Variants in MROH2A observed in about 807,000 individuals in gnomAD.
The protein encoded by MROH2A is maestro heat like repeat family member 2A, also known as maestro heat-like repeat-containing protein family member 2A.
Under a neutral mutation model 200.4 loss-of-function variants are expected in MROH2A, and 174 were observed. That is an observed-to-expected ratio of 0.87 (90% CI 0.77 to 0.98). MROH2A has a LOEUF of 0.98. MROH2A is among the 50% of genes least tolerant of loss of function. The pLI, the probability that MROH2A is intolerant of heterozygous loss-of-function variation, is 0.00. For missense variants in MROH2A, 2,045 were observed against 2,139.6 expected (o/e 0.96, Z 0.87); for synonymous variants, 829 against 840.4 (o/e 0.99, Z 0.23).
chr2:233,792,820 G>A lies in MROH2A; in HGVS notation c.596G>A (p.Gly199Asp), dbSNP rs982074619. The change falls in exon 6 of 42, where the codon GGC becomes GAC. Residue 199 changes from glycine to aspartate, a missense_variant. Physicochemically the swap from Gly to Asp is moderately conservative, Grantham distance 94. This residue lies in a region of MROH2A where 831 missense variants were observed against 800.0 expected (regional missense o/e 1.04). Transcript: ENST00000389758. ...GNVFEFMPYM[G>D]ITLATIFTML... ...GTGTTTGAGTTCATGCCATACATGG[G>A]CATCACCCTGGCTACCATATTCACC... 33 of 1,549,576 alleles carry A rather than the reference G, an allele frequency of 2.1e-5. No homozygotes were observed. The highest frequency in any genetic ancestry group is 4.1e-5 in the African/African-American group (3 of 73,018).
intron 24 of MROH2A, among the ~76,000 whole-genome samples, chr2:233,813,293 G>GCT (rs1703293925): frequency 6.6e-6 from 1 of 152,204 alleles, no homozygotes; most frequent in East Asian, 1.9e-4. Flanking sequence ...TGCTGCTGCT[G>GCT]GTGATGGTGG....
chr2:233,822,741 AC>A, intron 33 of MROH2A, 139 bp from the exon 34 acceptor site: 1 of 1,211,078 alleles, frequency 8.3e-7, no homozygotes, highest in Non-Finnish European at 1.2e-6. Context: ...TTGCAGATCC[AC>A]TCCCTCCCTG....
In MROH2A at chr2:233,796,192, C is replaced by A; in HGVS notation, c.1139-8C>A. On this transcript the variant is annotated splice_polypyrimidine_tract_variant and splice_region_variant and intron_variant, in intron 10 of 41. Coordinates refer to ENST00000389758, the MANE Select transcript of MROH2A (RefSeq NM_001394639.1). ...GAGCATGACTAAAGCTGTCCTTCCA[C>A]CCTGCAGCTCGCTCCTACCCCAAGG... 6.5e-7 allele frequency: 1 copy of A among 1,546,462 alleles called. No homozygotes were observed. The highest frequency in any genetic ancestry group is 2.4e-5 in the East Asian group (1 of 40,882).
At position 233,822,246 on chromosome 2, in the gene MROH2A, C is replaced by G. The variant is rs893687163; in HGVS notation, c.3635C>G (p.Ala1212Gly). The change falls in exon 32 of 42, where the codon GCT becomes GGT. Residue 1212 changes from alanine (A) to glycine (G), a missense_variant. This residue lies in a region of MROH2A where 1,201 missense variants were observed against 1,311.3 expected (regional missense o/e 0.92). Coordinates refer to ENST00000389758, the MANE Select transcript of MROH2A (RefSeq NM_001394639.1). ...LSPRISATSK[A>G]DIWRLAAVDP... is the part of the protein sequence containing the mutation. ...CCCAGAATCAGTGCCACCTCCAAGG[C>G]TGACATCTGGCGCCTGGCTGCGGTG... The G allele has an allele frequency of 3.9e-6, 6 of 1,547,718 alleles. No individual in the cohort carries two copies. The African/African-American group carries it at 4.1e-5, about 11-fold the overall frequency.
chr2:233,804,081 G>T lies in MROH2A; in HGVS notation c.1780G>T (p.Gly594Cys). 6.4e-7 allele frequency: 1 copy of T among 1,550,528 alleles called. No homozygotes were observed. The highest frequency in any genetic ancestry group is 8.7e-7 in the Non-Finnish European group (1 of 1,146,980). Residue 594 changes from glycine to cysteine, a missense_variant, in exon 17 of 42, where the codon GGT becomes TGT. Gly to Cys is a radical substitution (Grantham distance 159, BLOSUM62 -3). Coordinates refer to ENST00000389758, the MANE Select transcript of MROH2A (RefSeq NM_001394639.1). ...VLMSSPYKGE[G>C]RGIAMLNLLR... ...GATGTCATCACCTTACAAGGGGGAG[G>T]GTCGTGGGATAGCCATGCTCAACCT...
intron 5 of MROH2A, among the ~76,000 whole-genome samples, chr2:233,791,569 T>C (rs1048329137): frequency 6.6e-6 from 1 of 151,986 alleles, no homozygotes; most frequent in African/African-American, 2.4e-5. Flanking sequence ...TGGCTTTGGT[T>C]CTTGGTGACC....
Position 233,812,008 on chromosome 2 carries a change from T to C in MROH2A, c.2651+49T>C, listed in dbSNP as rs183602737. ...CCCATCCCAAGGGGTAGGGAAAAGTTCAAGACCATTCCTCGGTGCTCCTTC... is the reference window on the plus strand; with the variant it reads ...CCCATCCCAAGGGGTAGGGAAAAGTCCAAGACCATTCCTCGGTGCTCCTTC... On this transcript the variant is annotated intron_variant, in intron 24 of 41. Transcript: ENST00000389758. 2,291 of 1,264,428 alleles carry C rather than the reference T, an allele frequency of 1.8e-3. 5 individuals carry two copies. The highest frequency in any genetic ancestry group is 2.1e-3 in the Non-Finnish European group (1,877 of 888,472). The allele number at this position is 1,264,428 out of a possible 1,614,324, so 78.3% of individuals were successfully genotyped here.
chr2:233,829,625 C>G lies in MROH2A; in HGVS notation c.4452C>G (p.Ser1484Arg), dbSNP rs550143797. The G allele has an allele frequency of 2.1e-6, 3 of 1,414,686 alleles. No individual in the cohort carries two copies. The highest frequency in any genetic ancestry group is 2.8e-6 in the Non-Finnish European group (3 of 1,080,740). 87.6% of individuals were successfully genotyped at this position (1,414,686 alleles called of 1,614,324 possible). Residue 1484 changes from serine to arginine, a missense_variant, in exon 38 of 42, where the codon AGC becomes AGG. Transcript: ENST00000389758. Reference sequence around the variant, plus strand: ...TGTGTCCATCCTGGCCACAGGAGAGCGAGCTGCTGCGTCTGAAAGCCTTCA... The same window carrying G: ...TGTGTCCATCCTGGCCACAGGAGAGGGAGCTGCTGCGTCTGAAAGCCTTCA... Reference protein sequence around the residue: ...EQCRIFFDNESELLRLKAFIL... With the variant: ...EQCRIFFDNERELLRLKAFIL...
rs753653994 is a variant in MROH2A, at chr2:233,823,552, G to A, written c.4005-4G>A. 3 of 1,549,604 alleles carry A rather than the reference G, an allele frequency of 1.9e-6. No homozygotes were observed. Among genetic ancestry groups the A allele is most frequent in the Non-Finnish European group, 2.6e-6 (3 of 1,146,762 alleles). ...CACGACCTGGCACTGTCTCTCCTCT[G>A]CAGGCTGTGCATGCAGCACGTGGAG... On this transcript the variant is annotated splice_polypyrimidine_tract_variant and splice_region_variant and intron_variant, in intron 34 of 41. Transcript: ENST00000389758.
chr2:233,788,505 C>A (rs80334668), intron 3 of MROH2A, among the ~76,000 whole-genome samples: 2,425 of 152,096 alleles, frequency 0.016, 26 homozygotes, highest in Middle Eastern at 0.051. Flanking sequence ...GTGAATTCCT[C>A]TCTTCTTAAG....
At chr2:233,790,842 C>A (rs1701715566) in intron 5 of MROH2A, among the ~76,000 whole-genome samples, 1 of 152,076 alleles carries the variant, frequency 6.6e-6, no homozygotes, top group Non-Finnish European at 1.5e-5. Flanking sequence ...AACAGGCAAA[C>A]AAGGAAATAG....
chr2:233,790,086 C>A, intron 5 of MROH2A, 72 bp downstream of exon 5: 1 of 1,362,498 alleles, frequency 7.3e-7, no homozygotes, highest in Non-Finnish European at 9.8e-7. Flanking sequence ...CCCCTCCCAT[C>A]TATCCCTATG....
intron 3 of MROH2A, 42 bp downstream of exon 3, chr2:233,779,894 T>G: frequency 1.2e-5 from 18 of 1,473,468 alleles, no homozygotes; most frequent in Non-Finnish European, 1.6e-5. Flanking sequence ...CCTTTAGCTC[T>G]GTGTGCATCC....
chr2:233,804,311 C>T (rs1702657764), intron 17 of MROH2A, 119 bp downstream of exon 17: 1 of 1,433,576 alleles, frequency 7.0e-7, no homozygotes, highest in Non-Finnish European at 9.4e-7. Flanking sequence ...CACAGCCAGC[C>T]CACTTTTGTC....
chr2:233,779,929 T>C, intron 3 of MROH2A, 77 bp downstream of exon 3: 1 of 1,219,746 alleles, frequency 8.2e-7, no homozygotes. Flanking sequence ...ACATAGTTAC[T>C]GACTATCAGA....
In MROH2A at chr2:233,823,502, C is replaced by T. The variant is rs1016162194; in HGVS notation, c.4005-54C>T. On this transcript the variant is annotated intron_variant, in intron 34 of 41. Coordinates refer to ENST00000389758, the MANE Select transcript of MROH2A (RefSeq NM_001394639.1). Reference sequence around the variant, plus strand: ...GTGGCCCTGCCCAGCTCTTGGCAAACGTCAGGCAGGGGTGGGGCCGCCTCC... The same window carrying T: ...GTGGCCCTGCCCAGCTCTTGGCAAATGTCAGGCAGGGGTGGGGCCGCCTCC... 9.5e-5 allele frequency: 145 copies of T among 1,525,032 alleles called. 1 individual carries two copies. The highest frequency in any genetic ancestry group is 3.2e-4 in the Admixed American group (16 of 50,094). 94.5% of individuals were successfully genotyped at this position (1,525,032 alleles called of 1,614,324 possible). A position where few individuals can be genotyped will look rare whatever the true frequency, so the allele number is the denominator to read the frequency against.
At chr2:233,792,994 C>T (rs1701878506) in intron 6 of MROH2A, 100 bp downstream of exon 6, 2 of 1,159,342 alleles carry the variant, frequency 1.7e-6, no homozygotes, top group South Asian at 1.4e-5. Context: ...AAAAGAGGTG[C>T]ACTGTTCACT....
rs1575947700 is a variant in MROH2A, at chr2:233,800,237, C to G, written c.1482C>G (p.Asp494Glu). 3 of 1,550,066 alleles carry G rather than the reference C, an allele frequency of 1.9e-6. No homozygotes were observed. Among genetic ancestry groups the G allele is most frequent in the Non-Finnish European group, 2.6e-6 (3 of 1,146,732 alleles). ...GCCGGGAGAAGTTTTATCAGAGGGA[C>G]TTGGAGGAGAGGATGGTCCACAAAG... ...TNRREKFYQR[D>E]LEERMVHKVT... Residue 494 changes from aspartate (D) to glutamate (E), a missense_variant, in exon 14 of 42, where the codon GAC becomes GAG. By Grantham distance (45) the Asp-to-Glu change is conservative. Coordinates refer to ENST00000389758, the MANE Select transcript of MROH2A (RefSeq NM_001394639.1).
rs1040622917 is a variant in MROH2A, at chr2:233,807,592, C to T, written c.2172+50C>T. The T allele has an allele frequency of 1.4e-5, 22 of 1,547,182 alleles. No individual in the cohort carries two copies. Among genetic ancestry groups the T allele is most frequent in the East Asian group, 4.9e-5 (2 of 40,858 alleles). ...TGTCCACCAGATGCCTCTGGACCCT[C>T]GGGGACATGTGTGTTCATGTGGCTG... On this transcript the variant is annotated intron_variant, in intron 20 of 41. Transcript: ENST00000389758. The surrounding 1 kb of genome is among the most constrained non-coding windows in gnomAD (Gnocchi z 4.3).
Sources: allele counts gnomAD v4.1 joint callset (sites outside exome capture counted in the v4.1 genomes callset), GRCh38; gene constraint gnomAD v4.1.1; regional missense constraint gnomAD v4.1.1; non-coding constraint Gnocchi (gnomAD v3.1); transcripts MANE v1.5; gene names NCBI Gene and HGNC (gene_info 2026-07-23, HGNC 2026-07-21).